NCKAP5: variants seen among roughly 807,000 people sequenced by gnomAD.
NCKAP5 encodes NCK associated protein 5, also known as nck-associated protein 5.
A neutral mutation model predicts 167.0 loss-of-function variants in NCKAP5; 92 were observed. That is an observed-to-expected ratio of 0.55 (90% CI 0.47 to 0.66). The LOEUF is 0.66. Among genes scored for constraint, NCKAP5 ranks in the 30% least tolerant of loss-of-function variants. The pLI, the probability that NCKAP5 is intolerant of heterozygous loss-of-function variation, is 0.00. For missense variants in NCKAP5, 2,378 were observed against 2,315.0 expected, an observed-to-expected ratio of 1.03 and a Z score of -0.56; for synonymous variants, 891 against 877.4, an observed-to-expected ratio of 1.02 and a Z score of -0.27.
At chr2:133,070,792 AT>A (rs1261361235) in intron 6 of NCKAP5, among the ~76,000 whole-genome samples, 1 of 152,150 alleles carries the variant, frequency 6.6e-6, no homozygotes, top group African/African-American at 2.4e-5. Flanking sequence ...GAGGCAGAAG[AT>A]TTCATAAAAT....
At chr2:133,234,098 T>G (rs1201112299) in intron 4 of NCKAP5, among the ~76,000 whole-genome samples, 1 of 152,160 alleles carries the variant, frequency 6.6e-6, no homozygotes, top group East Asian at 1.9e-4. Context: ...GAGGATCGCA[T>G]GAGAGCTTAA....
intron 3 of NCKAP5, among the ~76,000 whole-genome samples, chr2:133,501,223 A>C (rs1220882336): frequency 6.6e-6 from 1 of 152,244 alleles, no homozygotes; most frequent in East Asian, 1.9e-4. Context: ...TTACCCGTCA[A>C]GCATTTACTG....
intron 2 of NCKAP5, among the ~76,000 whole-genome samples, chr2:133,535,187 T>C (rs571493950): frequency 6.6e-6 from 1 of 152,174 alleles, no homozygotes; most frequent in Non-Finnish European, 1.5e-5. Context: ...TTTTGTTTCA[T>C]GCATATATTG....
chr2:132,822,857 A>G (rs904978729), intron 11 of NCKAP5, among the ~76,000 whole-genome samples: 6 of 152,228 alleles, frequency 3.9e-5, no homozygotes, highest in Admixed American at 6.5e-5. Flanking sequence ...ATCATAAAGA[A>G]AAACAATCAC....
chr2:133,302,821 A>AAATC (rs1434751348), intron 4 of NCKAP5, among the ~76,000 whole-genome samples: 1 of 151,812 alleles, frequency 6.6e-6, no homozygotes, highest in Non-Finnish European at 1.5e-5. Context: ...ATAAATAAAT[A>AAATC]AATAAATCTT....
chr2:133,396,783 C>T (rs912655023), intron 3 of NCKAP5, among the ~76,000 whole-genome samples: 4 of 152,076 alleles, frequency 2.6e-5, no homozygotes, highest in African/African-American at 9.7e-5. Flanking sequence ...TTTTTGGAGG[C>T]CACAATTCAA....
the NCKAP5 span, among the ~76,000 whole-genome samples, chr2:133,626,580 C>T: frequency 6.6e-6 from 1 of 151,904 alleles, no homozygotes; most frequent in Non-Finnish European, 1.5e-5. Flanking sequence ...GATATTATGA[C>T]ACAATTGCAA....
chr2:133,185,040 C>T (rs1251805031), intron 5 of NCKAP5, among the ~76,000 whole-genome samples: 1 of 152,020 alleles, frequency 6.6e-6, no homozygotes, highest in African/African-American at 2.4e-5. Flanking sequence ...TTGCCTAGAC[C>T]ACTATCTACA....
At chr2:133,086,076 C>T (rs1202267250) in intron 6 of NCKAP5, among the ~76,000 whole-genome samples, 2 of 152,160 alleles carry the variant, frequency 1.3e-5, no homozygotes, top group African/African-American at 4.8e-5. Flanking sequence ...TTGGATCAAT[C>T]AGTTCACAGC....
intron 19 of NCKAP5, among the ~76,000 whole-genome samples, chr2:132,695,663 C>T (rs1242276522): frequency 6.6e-6 from 1 of 152,068 alleles, no homozygotes; most frequent in African/African-American, 2.4e-5. Flanking sequence ...AAATAGGAAG[C>T]GTTGGTAGTT....
chr2:133,483,269 C>A (rs1261583220), intron 3 of NCKAP5, among the ~76,000 whole-genome samples: 1 of 152,134 alleles, frequency 6.6e-6, no homozygotes, highest in Non-Finnish European at 1.5e-5. Context: ...CTTGTTAATT[C>A]TTAATCTGTT....
At chr2:133,005,970 C>G (rs928923507) in intron 6 of NCKAP5, among the ~76,000 whole-genome samples, 10 of 152,008 alleles carry the variant, frequency 6.6e-5, no homozygotes, top group Admixed American at 3.3e-4. Flanking sequence ...AAAATTTCTT[C>G]TCTTGGCTGG....
At chr2:133,290,728 C>CTTTTTTTTTTTTTTTTTTTTTTTTT (rs58758295) in intron 4 of NCKAP5, among the ~76,000 whole-genome samples, 8 of 89,364 alleles carry the variant, frequency 9.0e-5, no homozygotes, top group Non-Finnish European at 1.0e-4. Flanking sequence ...AGAATTTCTC[C>CTTTTTTTTTTTTTTTTTTTTTTTTT]TTTTTTTTTT....
intron 3 of NCKAP5, among the ~76,000 whole-genome samples, chr2:133,304,815 G>A (rs1680660869): frequency 6.6e-6 from 1 of 152,216 alleles, no homozygotes; most frequent in African/African-American, 2.4e-5. Flanking sequence ...GGAGCTTACA[G>A]TCTGTCAAAG....
intron 13 of NCKAP5, among the ~76,000 whole-genome samples, chr2:132,786,879 C>G (rs1553441090): frequency 6.6e-6 from 1 of 152,142 alleles, no homozygotes; most frequent in African/African-American, 2.4e-5. Context: ...GGGACATGAA[C>G]CCAGGCAGTC....
At chr2:133,340,574 G>A (rs1683507794) in intron 3 of NCKAP5, among the ~76,000 whole-genome samples, 1 of 152,112 alleles carries the variant, frequency 6.6e-6, no homozygotes, top group Non-Finnish European at 1.5e-5. Flanking sequence ...CAATGCATAA[G>A]AAAGAGGAGA....
Position 133,349,430 on chromosome 2 carries a change from T to C in NCKAP5, c.70-46320A>G, listed in dbSNP as rs112542989. Among the ~76,000 whole-genome samples the C allele has an allele frequency of 8.4e-3, 1,275 of 152,358 alleles. 13 individuals are homozygous for C. The highest frequency in any genetic ancestry group is 0.014 in the Non-Finnish European group (931 of 68,024). On this transcript the variant is annotated intron_variant, in intron 3 of 19. Coordinates refer to ENST00000409261, the MANE Select transcript of NCKAP5 (RefSeq NM_207363.3). Reference sequence around the variant, plus strand: ...CCACTTGCCTGACTGCCTGTGTTCCTGGATCAAGTGGCAAGTTTGCAGTCT... The same window carrying C: ...CCACTTGCCTGACTGCCTGTGTTCCCGGATCAAGTGGCAAGTTTGCAGTCT...
Position 132,841,418 on chromosome 2 carries a change from A to AT in NCKAP5, c.807+19073dup, listed in dbSNP as rs1045448189. On this transcript the variant is annotated intron_variant, in intron 11 of 19. Coordinates refer to ENST00000409261, the MANE Select transcript of NCKAP5 (RefSeq NM_207363.3). ...GAGTTAACCATATTTAAACTAGCAGATTTTTTATTAGAGATTATTTCTAAG... is the reference window on the plus strand; with the variant it reads ...GAGTTAACCATATTTAAACTAGCAGATTTTTTTATTAGAGATTATTTCTAAG... Among the ~76,000 whole-genome samples, 15 of 152,206 alleles carry AT rather than the reference A, an allele frequency of 9.9e-5. No homozygotes were observed. The East Asian group carries it at 2.9e-3, about 29-fold the overall frequency.
intron 16 of NCKAP5, among the ~76,000 whole-genome samples, chr2:132,733,970 T>G (rs563242507): frequency 6.6e-6 from 1 of 152,296 alleles, no homozygotes; most frequent in East Asian, 1.9e-4. Flanking sequence ...CACTATGGTG[T>G]CATTTAACCA....
Sources: gnomAD v4.1 joint callset for allele counts (sites outside exome capture counted in the v4.1 genomes callset) on GRCh38, gnomAD v4.1.1 for gene constraint, MANE v1.5 for transcripts, NCBI Gene and HGNC (gene_info 2026-07-23, HGNC 2026-07-21) for gene names.